Variants in LCP2 observed in about 807,000 individuals in gnomAD.
The protein encoded by LCP2 is 76 kDa tyrosine phosphoprotein.
Under a neutral mutation model 74.5 loss-of-function variants are expected in LCP2, and 29 were observed. The observed-to-expected ratio is 0.39, with a 90% CI of 0.29 to 0.53. LCP2 has a LOEUF of 0.53. Ranked by LOEUF, LCP2 falls within the 20% of genes least tolerant of loss-of-function variation. The probability of loss-of-function intolerance (pLI) is 0.72; values close to 1 mark genes in which losing one functional copy is unlikely to be tolerated. For missense variants in LCP2, 604 were observed against 634.6 expected (o/e 0.95, Z 0.52); for synonymous variants, 228 against 229.5 (o/e 0.99, Z 0.06).
intron 2 of LCP2, 45 bp from the exon 3 acceptor site, chr5:170,288,061 AG>A: frequency 1.3e-6 from 2 of 1,582,870 alleles, no homozygotes; most frequent in Middle Eastern, 3.3e-4. Flanking sequence ...ACCCACAGAA[AG>A]GGCTCTGAGC....
chr5:170,291,312 G>A (rs1762293359), intron 2 of LCP2, among the ~76,000 whole-genome samples: 1 of 152,170 alleles, frequency 6.6e-6, no homozygotes, highest in Non-Finnish European at 1.5e-5. Context: ...TACAGAGCTG[G>A]AAAGGGTGAT....
At chr5:170,282,758 A>G (rs1762125493) in intron 3 of LCP2, among the ~76,000 whole-genome samples, 3 of 152,244 alleles carry the variant, frequency 2.0e-5, no homozygotes. Flanking sequence ...CAGATAAGGA[A>G]GCTGAGGCTC....
At chr5:170,252,222 ATTC>A (rs1761460631) in intron 19 of LCP2, 1 of 383,766 alleles carries the variant, frequency 2.6e-6, no homozygotes, top group Non-Finnish European at 4.8e-6. Flanking sequence ...CTGCCTTGAG[ATTC>A]TTCTGCCAGC....
At chr5:170,275,936 C>T (rs1192232945) in intron 3 of LCP2, 76 bp from the exon 4 acceptor site, 1 of 1,325,734 alleles carries the variant, frequency 7.5e-7, no homozygotes, top group African/African-American at 1.5e-5. Flanking sequence ...TTGATATCCC[C>T]TGGTCTATAG....
chr5:170,285,437 T>C (rs534800024), intron 3 of LCP2, among the ~76,000 whole-genome samples: 5 of 152,240 alleles, frequency 3.3e-5, no homozygotes, highest in East Asian at 1.9e-4. Context: ...CCTAATATCA[T>C]AAATTTTATT....
intron 2 of LCP2, among the ~76,000 whole-genome samples, chr5:170,290,448 G>A (rs1390532178): frequency 2.2e-4 from 33 of 152,162 alleles, no homozygotes; most frequent in Admixed American, 2.1e-3. Context: ...CTCTGTTGTG[G>A]ACAGTAAGAT....
chr5:170,259,820 T>C (rs1198284744), intron 14 of LCP2, among the ~76,000 whole-genome samples: 2 of 152,152 alleles, frequency 1.3e-5, no homozygotes, highest in Non-Finnish European at 2.9e-5. Context: ...ACACATGGGC[T>C]CATAAACCCC....
At chr5:170,272,872 A>G (rs1761921361) in intron 6 of LCP2, among the ~76,000 whole-genome samples, 2 of 151,706 alleles carry the variant, frequency 1.3e-5, no homozygotes, top group Admixed American at 6.6e-5. Flanking sequence ...TTGGCCTCCC[A>G]AAGTGTTGGG....
chr5:170,297,561 G>A lies in LCP2; in HGVS notation c.51C>T (p.Pro17=), dbSNP rs185684604. ...PFRSEVLGWD[P]DSLADYFKKL... ...TCTTGAAATAGTCAGCAAGGCTGTCGGGGTCCCAGCCCAGGACCTCTGAGC... is the reference window on the plus strand; with the variant it reads ...TCTTGAAATAGTCAGCAAGGCTGTCAGGGTCCCAGCCCAGGACCTCTGAGC... The change falls in exon 1 of 21, where the codon CCC becomes CCT. Residue 17 remains proline (P), a synonymous_variant. Coordinates refer to ENST00000046794, the MANE Select transcript of LCP2 (RefSeq NM_005565.5). 1.6e-3 allele frequency: 2,502 copies of A among 1,612,982 alleles called. 5 individuals are homozygous for A. The highest frequency in any genetic ancestry group is 2.0e-3 in the Non-Finnish European group (2,373 of 1,179,482).
In LCP2 at chr5:170,247,448, C is replaced by G. The variant is rs190776677; in HGVS notation, c.*1249G>C. On this transcript the variant is annotated 3_prime_UTR_variant, in exon 21 of 21. Transcript: ENST00000046794. ...CATGAAAATGAAGCTGCAAGATACT[C>G]TTTTCCATTTCGAAAACTTGTAGAT... 7.4e-4 allele frequency: 112 copies of G among 152,304 alleles called. No homozygotes were observed. Among genetic ancestry groups the G allele is most frequent in the African/African-American group, 2.6e-3 (108 of 41,560 alleles). The allele number at this position is 152,304 out of a possible 1,614,324, so 9.4% of individuals were successfully genotyped here.
intron 6 of LCP2, chr5:170,273,759 C>G (rs572600490): frequency 6.4e-6 from 1 of 155,710 alleles, no homozygotes; most frequent in East Asian, 1.9e-4. Flanking sequence ...GGAACTGTGA[C>G]CTTTCAATGT....
At chr5:170,266,684 A>G (rs1259610946) in intron 10 of LCP2, 124 bp downstream of exon 10, 2 of 826,852 alleles carry the variant, frequency 2.4e-6, no homozygotes, top group East Asian at 4.8e-5. Context: ...GGATGATTCT[A>G]CTAGTCTCCA....
chr5:170,274,505 G>T (rs182060264), intron 5 of LCP2, among the ~76,000 whole-genome samples, 167 bp from the exon 6 acceptor site: 2 of 152,226 alleles, frequency 1.3e-5, no homozygotes, highest in South Asian at 2.1e-4. Flanking sequence ...CAGCTCCAGC[G>T]ACCCTGCCCA....
At chr5:170,291,778 C>T (rs1762300126) in intron 2 of LCP2, among the ~76,000 whole-genome samples, 1 of 152,204 alleles carries the variant, frequency 6.6e-6, no homozygotes, top group Non-Finnish European at 1.5e-5. Context: ...TAGGCACCAT[C>T]CTCAAAGATG....
rs930853305 is a variant in LCP2, at chr5:170,256,255, T to A, written c.1150+271A>T. 3.3e-5 allele frequency among the ~76,000 whole-genome samples: 5 copies of A among 152,184 alleles called. No homozygotes were observed. The East Asian group carries it at 9.6e-4, about 29-fold the overall frequency. On this transcript the variant is annotated intron_variant, in intron 17 of 20. Coordinates refer to ENST00000046794, the MANE Select transcript of LCP2 (RefSeq NM_005565.5). This position sits in a 1 kb window ranked among gnomAD's most constrained non-coding sequence, Gnocchi z 4.5. ...GTGTGCACATGTATATATGTGTACA[T>A]GTGTATGCATGTGTGTGTGTGCATG... is the stretch of plus-strand genomic sequence containing the variant.
rs770626911 is a variant in LCP2, at chr5:170,289,657, CTTTCTTTCTTTCTT to C, written c.142-1655_142-1642del. Among the ~76,000 whole-genome samples, 528 of 118,504 alleles carry C rather than the reference CTTTCTTTCTTTCTT, an allele frequency of 4.5e-3. 7 individuals carry two copies. The Middle Eastern group carries it at 0.053, about 12-fold the overall frequency. 77.7% of individuals were successfully genotyped at this position (118,504 alleles called of 152,430 possible). ...TCTTTCTTTCTTTCTTTCTTTCTTTCTTTCTTTCTTTCTTTCTCTCTCTCTCTCTTTCTTTCTTT... is the reference window on the plus strand; with the variant it reads ...TCTTTCTTTCTTTCTTTCTTTCTTTCTCTCTCTCTCTCTCTTTCTTTCTTT... On this transcript the variant is annotated intron_variant, in intron 2 of 20. Coordinates refer to ENST00000046794, the MANE Select transcript of LCP2 (RefSeq NM_005565.5).
rs770689037 is a variant in LCP2, at chr5:170,270,933, T to C, written c.325-16A>G. On this transcript the variant is annotated splice_polypyrimidine_tract_variant and intron_variant, in intron 6 of 20. Transcript: ENST00000046794. ...CGTCTTCTTCCTGCCCACACAGTGATAGGGACAGTGCAGTTTGTAGAGGCT... is the reference window on the plus strand; with the variant it reads ...CGTCTTCTTCCTGCCCACACAGTGACAGGGACAGTGCAGTTTGTAGAGGCT... 1.2e-6 allele frequency: 2 copies of C among 1,605,236 alleles called. No homozygotes were observed. Among genetic ancestry groups the C allele is most frequent in the East Asian group, 2.2e-5 (1 of 44,490 alleles).
chr5:170,291,268 C>T (rs776418305), intron 2 of LCP2, among the ~76,000 whole-genome samples: 32 of 147,714 alleles, frequency 2.2e-4, no homozygotes, highest in Admixed American at 4.7e-4. Flanking sequence ...GGGCCTTTCA[C>T]TTTTGCCTTC....
At position 170,252,075 on chromosome 5, in the gene LCP2, G is replaced by A. The variant is rs146247659; in HGVS notation, c.1323+359C>T. The A allele has an allele frequency of 1.3e-3, 252 of 198,138 alleles. 1 individual carries two copies. The highest frequency in any genetic ancestry group is 4.7e-3 in the African/African-American group (205 of 43,530). The allele number at this position is 198,138 out of a possible 1,614,324, so 12.3% of individuals were successfully genotyped here. A position where few individuals can be genotyped will look rare whatever the true frequency, so the allele number is the denominator to read the frequency against. ...CCTTTCACATCAACATGGATGGCACGTCTGTGTTAAGAGGAAGATAGAACT... is the reference window on the plus strand; with the variant it reads ...CCTTTCACATCAACATGGATGGCACATCTGTGTTAAGAGGAAGATAGAACT... On this transcript the variant is annotated intron_variant, in intron 19 of 20. Transcript: ENST00000046794.
Sources: gnomAD v4.1 joint callset for allele counts (sites outside exome capture counted in the v4.1 genomes callset) on GRCh38, gnomAD v4.1.1 for gene constraint, Gnocchi (gnomAD v3.1) non-coding constraint, MANE v1.5 for transcripts, NCBI Gene and HGNC (gene_info 2026-07-23, HGNC 2026-07-21) for gene names.